Variants in SAMM50 observed in about 807,000 individuals in gnomAD.
SAMM50 encodes the protein sorting and assembly machinery component 50 homolog.
SAMM50 carries 47 observed loss-of-function variants against 66.9 expected under a neutral mutation model. That is an observed-to-expected ratio of 0.70 (90% CI 0.56 to 0.90). The LOEUF is 0.90. Ranked by LOEUF, SAMM50 falls within the 40% of genes least tolerant of loss-of-function variation. The pLI is 0.00. For synonymous variants in SAMM50, 191 were observed against 214.1 expected (o/e 0.89, Z 0.94); for missense variants, 535 against 595.3 (o/e 0.90, Z 1.05).
intron 10 of SAMM50, among the ~76,000 whole-genome samples, chr22:43,980,994 C>T (rs575514756): frequency 6.6e-6 from 1 of 152,276 alleles, no homozygotes; most frequent in East Asian, 1.9e-4. Context: ...ATGCGTGTGC[C>T]CTGAATCCTT....
intron 9 of SAMM50, 43 bp from the exon 10 acceptor site, chr22:43,977,829 A>G: frequency 2.3e-6 from 3 of 1,319,036 alleles, no homozygotes; most frequent in Non-Finnish European, 3.3e-6. Context: ...CCCCTGTAAT[A>G]AGTCTGTTTG....
At chr22:43,976,358 T>C (rs1400994455) in intron 8 of SAMM50, among the ~76,000 whole-genome samples, 175 bp downstream of exon 8, 2 of 152,300 alleles carry the variant, frequency 1.3e-5, no homozygotes, top group East Asian at 3.9e-4. Flanking sequence ...GCGTGGTCCT[T>C]TCCGAATAAT....
chr22:43,993,607 C>T (rs565077820), intron 14 of SAMM50, among the ~76,000 whole-genome samples: 2 of 152,316 alleles, frequency 1.3e-5, no homozygotes, highest in South Asian at 4.1e-4. Context: ...GGCAGCTGTT[C>T]AGATGTTTAT....
In SAMM50 at chr22:43,972,252, A is replaced by G. The variant is rs1276974813; in HGVS notation, c.339A>G (p.Pro113=). 6.3e-7 allele frequency: 1 copy of G among 1,585,186 alleles called. No homozygotes were observed. The highest frequency in any genetic ancestry group is 8.6e-7 in the Non-Finnish European group (1 of 1,169,522). ...IDTCQGDDAL[P]NGLDVTFEVT... ...TTTATTTAGGTGATGACGCACTTCC[A>G]AATGGGTTAGACGTTACCTTTGAAG... The change falls in exon 5 of 15, where the codon CCA becomes CCG. Residue 113 remains proline (P), a synonymous_variant. Coordinates refer to ENST00000350028, the MANE Select transcript of SAMM50 (RefSeq NM_015380.5).
At chr22:43,991,028 G>A (rs2050321863) in intron 14 of SAMM50, among the ~76,000 whole-genome samples, 1 of 149,464 alleles carries the variant, frequency 6.7e-6, no homozygotes, top group South Asian at 2.1e-4. Context: ...CCAGGCTGGT[G>A]TGCAATAGCA....
chr22:43,989,168 T>C lies in SAMM50; in HGVS notation c.1133T>C (p.Leu378Ser). ...GGCGGCCTGCACCTCTACACCCCAT[T>C]ACCTTTCCGGCCAGGCCAGGGTGGC... ...WAGGLHLYTP[L>S]PFRPGQGGFG... is the part of the protein sequence containing the mutation. The change falls in exon 13 of 15, where the codon TTA becomes TCA. Residue 378 changes from leucine to serine, a missense_variant. Transcript: ENST00000350028. The C allele has an allele frequency of 6.2e-7, 1 of 1,614,154 alleles. No individual in the cohort carries two copies. Among genetic ancestry groups the C allele is most frequent in the Non-Finnish European group, 8.5e-7 (1 of 1,180,002 alleles).
chr22:43,966,339 A>G (rs1436545885), intron 3 of SAMM50, among the ~76,000 whole-genome samples: 2 of 152,060 alleles, frequency 1.3e-5, no homozygotes, highest in African/African-American at 4.8e-5. Flanking sequence ...TTGCTCTGCA[A>G]AGAGATTGCA....
intron 5 of SAMM50, 40 bp from the exon 6 acceptor site, chr22:43,972,831 C>A: frequency 6.4e-7 from 1 of 1,560,396 alleles, no homozygotes. Context: ...CTCATTCCTT[C>A]AATGTAGACC....
At chr22:43,988,158 G>C (rs1603420314) in intron 12 of SAMM50, 1 of 152,190 alleles carries the variant, frequency 6.6e-6, no homozygotes, top group African/African-American at 2.4e-5. Context: ...GAGGAGGAGT[G>C]GTTTCTGGGA....
At chr22:43,969,222 G>A (rs566689293) in intron 4 of SAMM50, among the ~76,000 whole-genome samples, 24 of 152,300 alleles carry the variant, frequency 1.6e-4, no homozygotes, top group Middle Eastern at 3.4e-3. Flanking sequence ...GCCAGGCTTC[G>A]TTCACATAGC....
intron 3 of SAMM50, among the ~76,000 whole-genome samples, chr22:43,966,623 T>C (rs1030457923): frequency 6.6e-6 from 1 of 152,194 alleles, no homozygotes; most frequent in Admixed American, 6.5e-5. Flanking sequence ...GCCAGAGTGC[T>C]GGGATTACAG....
Position 43,989,135 on chromosome 22 carries a change from A to C in SAMM50, c.1100A>C (p.Tyr367Ser). ...SEGDYLGGEA[Y>S]WAGGLHLYTP... ...GGAGACTACCTAGGTGGAGAAGCGT[A>C]CTGGGCCGGCGGCCTGCACCTCTAC... Residue 367 changes from tyrosine to serine, a missense_variant, in exon 13 of 15, where the codon TAC becomes TCC. Tyr to Ser is a moderately radical substitution (Grantham distance 144, BLOSUM62 -2). Coordinates refer to ENST00000350028, the MANE Select transcript of SAMM50 (RefSeq NM_015380.5). 1 of 1,614,126 alleles carries C rather than the reference A, an allele frequency of 6.2e-7. No individual in the cohort carries two copies. The highest frequency in any genetic ancestry group is 8.5e-7 in the Non-Finnish European group (1 of 1,180,026).
At chr22:43,973,579 G>A (rs1723650930) in intron 7 of SAMM50, among the ~76,000 whole-genome samples, 1 of 152,196 alleles carries the variant, frequency 6.6e-6, no homozygotes, top group Non-Finnish European at 1.5e-5. Context: ...CTCCCCATAT[G>A]TGTGGAGACT....
intron 1 of SAMM50, among the ~76,000 whole-genome samples, chr22:43,957,548 A>G (rs574601365): frequency 4.6e-5 from 7 of 151,662 alleles, no homozygotes; most frequent in Non-Finnish European, 1.0e-4. Flanking sequence ...TCAGCCTCCC[A>G]TGTAGCTGGG....
intron 12 of SAMM50, 106 bp downstream of exon 12, chr22:43,984,106 C>T (rs1052866725): frequency 2.3e-5 from 22 of 954,308 alleles, no homozygotes; most frequent in African/African-American, 1.9e-4. Flanking sequence ...TCCTCTTTCA[C>T]GGTGGTGGAA....
intron 7 of SAMM50, 65 bp downstream of exon 7, chr22:43,973,388 C>A: frequency 1.0e-6 from 1 of 974,496 alleles, no homozygotes; most frequent in Non-Finnish European, 1.7e-6. Flanking sequence ...TTCACTGATT[C>A]CCAAAGGCAG....
At chr22:43,989,760 CA>C (rs1010630631) in intron 13 of SAMM50, among the ~76,000 whole-genome samples, 1 of 152,142 alleles carries the variant, frequency 6.6e-6, no homozygotes, top group Non-Finnish European at 1.5e-5. Flanking sequence ...ATGAAGCATA[CA>C]AGAAAAATAA....
At chr22:43,987,783 T>C (rs1408229501) in intron 12 of SAMM50, 1 of 152,182 alleles carries the variant, frequency 6.6e-6, no homozygotes, top group Non-Finnish European at 1.5e-5. Flanking sequence ...CATTAAATAT[T>C]GGTCCACCTA....
chr22:43,969,214 C>G (rs1397165726), intron 4 of SAMM50, among the ~76,000 whole-genome samples: 1 of 152,186 alleles, frequency 6.6e-6, no homozygotes, highest in Non-Finnish European at 1.5e-5. Context: ...AGGAGGGGGC[C>G]AGGCTTCGTT....
Sources: allele counts gnomAD v4.1 joint callset (sites outside exome capture counted in the v4.1 genomes callset), GRCh38; gene constraint gnomAD v4.1.1; transcripts MANE v1.5; gene names NCBI Gene and HGNC (gene_info 2026-07-23, HGNC 2026-07-21).